Variants in PARD3B observed in about 807,000 individuals in gnomAD.
The protein encoded by PARD3B is partitioning defective 3 homolog B.
A neutral mutation model predicts 130.2 loss-of-function variants in PARD3B; 103 were observed. The observed-to-expected ratio is 0.79, with a 90% CI of 0.67 to 0.93. The LOEUF (loss-of-function observed/expected upper bound fraction) is 0.93, where lower values mean the gene tolerates loss of function less well. Ranked by LOEUF, PARD3B falls within the 40% of genes least tolerant of loss-of-function variation. PARD3B has a pLI of 0.00. For missense variants in PARD3B, 1,609 were observed against 1,499.2 expected, an observed-to-expected ratio of 1.07 and a Z score of -1.21; for synonymous variants, 583 against 553.2, an observed-to-expected ratio of 1.05 and a Z score of -0.76.
chr2:205,420,059 C>T (rs1416322694), intron 19 of PARD3B, among the ~76,000 whole-genome samples: 1 of 152,190 alleles, frequency 6.6e-6, no homozygotes. Context: ...AACCGTAACA[C>T]ACCTGGTCCC....
chr2:205,044,871 G>T (rs1698657887), intron 3 of PARD3B, among the ~76,000 whole-genome samples: 1 of 152,068 alleles, frequency 6.6e-6, no homozygotes, highest in East Asian at 1.9e-4. Context: ...TTCAAATAGG[G>T]TTTAGTAGTT....
At chr2:205,379,940 C>T (rs1416647619) in intron 18 of PARD3B, among the ~76,000 whole-genome samples, 1 of 150,108 alleles carries the variant, frequency 6.7e-6, no homozygotes, top group East Asian at 2.0e-4. Context: ...CAGTGGCACG[C>T]ACCTGTAGTC....
intron 2 of PARD3B, among the ~76,000 whole-genome samples, chr2:204,708,337 CA>C: frequency 6.6e-6 from 1 of 152,142 alleles, no homozygotes; most frequent in South Asian, 2.1e-4. Flanking sequence ...GTTTATGACA[CA>C]CATGATTTGT....
chr2:204,805,135 G>A (rs2042718802), intron 2 of PARD3B, among the ~76,000 whole-genome samples: 1 of 151,926 alleles, frequency 6.6e-6, no homozygotes, highest in South Asian at 2.1e-4. Flanking sequence ...AAAGACCAAG[G>A]TAACAAAAAG....
intron 2 of PARD3B, among the ~76,000 whole-genome samples, chr2:204,793,645 T>A (rs1001945752): frequency 6.6e-6 from 1 of 152,024 alleles, no homozygotes; most frequent in Non-Finnish European, 1.5e-5. Flanking sequence ...GTAGCTGGGA[T>A]TACAGGTGCC....
chr2:205,166,940 A>G (rs2034853671), intron 11 of PARD3B, among the ~76,000 whole-genome samples: 2 of 152,106 alleles, frequency 1.3e-5, no homozygotes, highest in African/African-American at 4.8e-5. Flanking sequence ...AATCCTCTCA[A>G]CACCCTGGAC....
intron 3 of PARD3B, among the ~76,000 whole-genome samples, chr2:205,041,839 C>T (rs1698415356): frequency 6.6e-6 from 1 of 152,122 alleles, no homozygotes; most frequent in Admixed American, 6.6e-5. Flanking sequence ...CTGCTGCCTG[C>T]ATCATCATAT....
At position 205,460,879 on chromosome 2, in the gene PARD3B, T is replaced by TA. The variant is rs1326137350; in HGVS notation, c.3044+20214dup. 6.6e-6 allele frequency among the ~76,000 whole-genome samples: 1 copy of TA among 152,100 alleles called. No homozygotes were observed. Among genetic ancestry groups the TA allele is most frequent in the Non-Finnish European group, 1.5e-5 (1 of 68,018 alleles). Reference sequence around the variant, plus strand: ...CCCGTCAAATAGAGGATCTGGAGAATAAAAAAATCTAACAATGTAAGAAGA... The same window carrying TA: ...CCCGTCAAATAGAGGATCTGGAGAATAAAAAAAATCTAACAATGTAAGAAGA... On this transcript the variant is annotated intron_variant, in intron 20 of 22. Coordinates refer to ENST00000406610, the MANE Select transcript of PARD3B (RefSeq NM_001302769.2). The surrounding 1 kb of genome is among the most constrained non-coding windows in gnomAD (Gnocchi z 4.9).
intron 1 of PARD3B, among the ~76,000 whole-genome samples, chr2:204,558,436 TTCACAA>T (rs960656170): frequency 6.6e-6 from 1 of 152,126 alleles, no homozygotes; most frequent in Non-Finnish European, 1.5e-5. Flanking sequence ...TGAACTCCCA[TTCACAA>T]TTGCTAAAAA....
chr2:204,755,055 T>C (rs1489282424), intron 2 of PARD3B, among the ~76,000 whole-genome samples: 1 of 152,132 alleles, frequency 6.6e-6, no homozygotes, highest in African/African-American at 2.4e-5. Context: ...GTTATTTAAT[T>C]GCCTTGCACG....
rs545506888 is a variant in PARD3B, at chr2:205,461,361, A to C, written c.3044+20689A>C. 3.6e-4 allele frequency among the ~76,000 whole-genome samples: 55 copies of C among 152,304 alleles called. No homozygotes were observed. Among genetic ancestry groups the C allele is most frequent in the African/African-American group, 1.0e-3 (43 of 41,576 alleles). On this transcript the variant is annotated intron_variant, in intron 20 of 22. Transcript: ENST00000406610. This position sits in a 1 kb window ranked among gnomAD's most constrained non-coding sequence, Gnocchi z 4.3. ...CCTCTTACCAACACCAAGCAAGAGG[A>C]TAAAGAGCAGAGGCTTAGTAAATGG... is the stretch of plus-strand genomic sequence containing the variant.
chr2:204,692,167 G>A (rs952729381), intron 2 of PARD3B, among the ~76,000 whole-genome samples: 10 of 152,080 alleles, frequency 6.6e-5, no homozygotes, highest in Non-Finnish European at 1.2e-4. Flanking sequence ...ACAGGATGAA[G>A]TATTTTGTTC....
intron 2 of PARD3B, among the ~76,000 whole-genome samples, chr2:204,895,056 CA>C (rs5837940): frequency 0.44 from 66,658 of 151,132 alleles, 17,104 homozygotes; most frequent in African/African-American, 0.73. Flanking sequence ...AAAGACCTAC[CA>C]AAAAAAACCC....
intron 1 of PARD3B, among the ~76,000 whole-genome samples, chr2:204,564,827 G>A (rs753436357): frequency 2.6e-5 from 4 of 152,206 alleles, no homozygotes; most frequent in Non-Finnish European, 5.9e-5. Context: ...TAATAGCTTC[G>A]TCAGATAATT....
rs534802993 is a variant in PARD3B at position 204,568,469 on chromosome 2, T to C, written c.120+22350T>C. Among the ~76,000 whole-genome samples, 7 of 152,304 alleles carry C rather than the reference T, an allele frequency of 4.6e-5. No homozygotes were observed. The East Asian group carries it at 1.3e-3, about 29-fold the overall frequency. On this transcript the variant is annotated intron_variant, in intron 1 of 22. Transcript: ENST00000406610. ...GGAATAAATTGTACTTTTCTGACAA[T>C]AGGAATGTTTTAAGTCTGTTCTTAA... is the stretch of plus-strand genomic sequence containing the variant.
intron 16 of PARD3B, among the ~76,000 whole-genome samples, chr2:205,271,530 A>G (rs2040723869): frequency 6.6e-6 from 1 of 152,260 alleles, no homozygotes; most frequent in South Asian, 2.1e-4. Flanking sequence ...TTTCTGATCT[A>G]CATGAGATAA....
At chr2:205,220,083 C>G (rs2038158502) in intron 15 of PARD3B, among the ~76,000 whole-genome samples, 1 of 152,028 alleles carries the variant, frequency 6.6e-6, no homozygotes, top group South Asian at 2.1e-4. Flanking sequence ...TATTTGGGTT[C>G]AAAAAAGGAA....
chr2:204,677,021 G>A lies in PARD3B; in HGVS notation c.121-9160G>A, dbSNP rs1239763050. 2.0e-5 allele frequency among the ~76,000 whole-genome samples: 3 copies of A among 152,064 alleles called. No homozygotes were observed. Among genetic ancestry groups the A allele is most frequent in the South Asian group, 2.1e-4 (1 of 4,832 alleles). On this transcript the variant is annotated intron_variant, in intron 1 of 22. Coordinates refer to ENST00000406610, the MANE Select transcript of PARD3B (RefSeq NM_001302769.2). This position sits in a 1 kb window ranked among gnomAD's most constrained non-coding sequence, Gnocchi z 4.1. ...TACGCTGAGTTTCTACCTCTCTATCGTCTATGTATCATTTCTAGAACAGCA... is the reference window on the plus strand; with the variant it reads ...TACGCTGAGTTTCTACCTCTCTATCATCTATGTATCATTTCTAGAACAGCA...
intron 1 of PARD3B, among the ~76,000 whole-genome samples, chr2:204,627,766 A>C (rs1327680471): frequency 2.6e-5 from 4 of 152,130 alleles, no homozygotes; most frequent in Admixed American, 1.3e-4. Context: ...TTTTAATCCC[A>C]GAAAAAGACT....
Sources: gnomAD v4.1 joint callset for allele counts (sites outside exome capture counted in the v4.1 genomes callset) on GRCh38, gnomAD v4.1.1 for gene constraint, Gnocchi (gnomAD v3.1) non-coding constraint, MANE v1.5 for transcripts, NCBI Gene and HGNC (gene_info 2026-07-23, HGNC 2026-07-21) for gene names.